The following ST3GAL2 variants were observed in gnomAD, a reference collection of about 807,000 sequenced individuals.
ST3GAL2 encodes ST3 beta-galactoside alpha-2,3-sialyltransferase 2.
Under a neutral mutation model 37.5 loss-of-function variants are expected in ST3GAL2, and 16 were observed. That is an observed-to-expected ratio of 0.43 (90% CI 0.29 to 0.65). The LOEUF is 0.65. Ranked by LOEUF, ST3GAL2 falls within the 30% of genes least tolerant of loss-of-function variation. The pLI, the probability that ST3GAL2 is intolerant of heterozygous loss-of-function variation, is 0.17. For synonymous variants in ST3GAL2, 238 were observed against 202.9 expected (o/e 1.17, Z -1.47); for missense variants, 383 against 487.8 (o/e 0.79, Z 2.02).
At chr16:70,423,449 G>A (rs150619412) in intron 1 of ST3GAL2, among the ~76,000 whole-genome samples, 2,337 of 152,262 alleles carry the variant, frequency 0.015, 62 homozygotes, top group African/African-American at 0.051. Context: ...GGCGGAGGCT[G>A]CAATGAGCCA....
chr16:70,398,412 C>A lies in ST3GAL2; in HGVS notation c.119G>T (p.Gly40Val), dbSNP rs1294121445. 6.2e-7 allele frequency: 1 copy of A among 1,613,594 alleles called. No individual in the cohort carries two copies. Among genetic ancestry groups the A allele is most frequent in the Non-Finnish European group, 8.5e-7 (1 of 1,180,014 alleles). ...CACCCGGTGCGTCCCATCCAGGGCCCCTGAGTCCAGGTAGGGGAGCGTGGC... is the reference window on the plus strand; with the variant it reads ...CACCCGGTGCGTCCCATCCAGGGCCACTGAGTCCAGGTAGGGGAGCGTGGC... ...SMATLPYLDS[G>V]ALDGTHRVKL... is the part of the protein sequence containing the mutation. Residue 40 changes from glycine (G) to valine (V), a missense_variant, in exon 2 of 7, where the codon GGG (glycine) becomes GTG (valine). Physicochemically the swap from Gly to Val is moderately radical, Grantham distance 109. Coordinates refer to ENST00000342907, the MANE Select transcript of ST3GAL2 (RefSeq NM_006927.4).
intron 1 of ST3GAL2, among the ~76,000 whole-genome samples, chr16:70,403,255 G>T (rs1388737556): frequency 3.3e-4 from 50 of 152,150 alleles, no homozygotes; most frequent in Non-Finnish European, 4.4e-5. Flanking sequence ...GTGGGAAGAG[G>T]AAGACAGGAA....
At chr16:70,434,057 G>T (rs1336170023) in intron 1 of ST3GAL2, among the ~76,000 whole-genome samples, 27 of 152,040 alleles carry the variant, frequency 1.8e-4, no homozygotes, top group Admixed American at 1.8e-3. Context: ...TAGATCTATT[G>T]GTGGACTCGT....
intron 1 of ST3GAL2, among the ~76,000 whole-genome samples, chr16:70,407,447 C>A (rs563524377): frequency 6.6e-6 from 1 of 152,266 alleles, no homozygotes; most frequent in South Asian, 2.1e-4. Flanking sequence ...ATACTACAGT[C>A]TTCTAAGAAG....
At position 70,381,176 on chromosome 16, in the gene ST3GAL2, C is replaced by T. The variant is rs2047400084; in HGVS notation, c.*513G>A. ...TGGGGGTCCCGCAGCGACCGCTTTT[C>T]TTTGGTGGGTCTGCACGCACCTATC... On this transcript the variant is annotated 3_prime_UTR_variant, in exon 7 of 7. Transcript: ENST00000342907. 1 of 152,472 alleles carries T rather than the reference C, an allele frequency of 6.6e-6. No homozygotes were observed. Among genetic ancestry groups the T allele is most frequent in the Non-Finnish European group, 1.5e-5 (1 of 68,158 alleles). 9.4% of individuals were successfully genotyped at this position (152,472 alleles called of 1,614,324 possible).
intron 1 of ST3GAL2, among the ~76,000 whole-genome samples, chr16:70,418,873 A>C (rs1005578604): frequency 1.3e-5 from 2 of 152,120 alleles, no homozygotes; most frequent in Admixed American, 6.5e-5. Flanking sequence ...TGGGGCAGGA[A>C]ATCAGCTGGT....
intron 1 of ST3GAL2, among the ~76,000 whole-genome samples, chr16:70,437,263 T>G (rs2047831524): frequency 6.6e-6 from 1 of 152,318 alleles, no homozygotes; most frequent in South Asian, 2.1e-4. Flanking sequence ...ACACAGACAG[T>G]TGGCCCCCTG....
chr16:70,401,219 G>C (rs1055639109), intron 1 of ST3GAL2: 4 of 152,392 alleles, frequency 2.6e-5, no homozygotes, highest in African/African-American at 9.6e-5. Flanking sequence ...GGCCACTGAA[G>C]GCGGGGGCTG....
At chr16:70,399,629 G>A (rs762803495) in intron 1 of ST3GAL2, 96 bp from the exon 2 acceptor site, 2 of 394,422 alleles carry the variant, frequency 5.1e-6, no homozygotes, top group Non-Finnish European at 8.9e-6. Context: ...TAGCAGGAGA[G>A]GAGATGCCCA....
intron 4 of ST3GAL2, among the ~76,000 whole-genome samples, chr16:70,385,768 A>C (rs972712510): frequency 7.5e-6 from 1 of 133,816 alleles, no homozygotes; most frequent in African/African-American, 2.9e-5. Flanking sequence ...CAGTGGCGCG[A>C]TCTGAGCTCA....
chr16:70,389,496 G>A (rs1261574538), intron 3 of ST3GAL2, among the ~76,000 whole-genome samples: 1 of 151,614 alleles, frequency 6.6e-6, no homozygotes, highest in Admixed American at 6.6e-5. Flanking sequence ...GAGACGGATC[G>A]CCCTGTCGCC....
intron 1 of ST3GAL2, among the ~76,000 whole-genome samples, chr16:70,402,742 T>G (rs1370840263): frequency 6.6e-6 from 1 of 152,192 alleles, no homozygotes; most frequent in Non-Finnish European, 1.5e-5. Flanking sequence ...CTCCGCCTCC[T>G]GGGTTCAAAC....
intron 4 of ST3GAL2, 89 bp from the exon 5 acceptor site, chr16:70,383,324 G>A: frequency 7.5e-7 from 1 of 1,328,064 alleles, no homozygotes; most frequent in South Asian, 1.3e-5. Flanking sequence ...GCTGAGGCAG[G>A]TGGATCACCT....
At chr16:70,402,139 A>C (rs973300893) in intron 1 of ST3GAL2, among the ~76,000 whole-genome samples, 1 of 151,856 alleles carries the variant, frequency 6.6e-6, no homozygotes, top group Non-Finnish European at 1.5e-5. Context: ...ATCTCTACTA[A>C]AAATACAAAA....
chr16:70,393,920 T>C (rs932432957), intron 3 of ST3GAL2, among the ~76,000 whole-genome samples: 9 of 152,268 alleles, frequency 5.9e-5, no homozygotes, highest in African/African-American at 1.4e-4. Context: ...GCAATGCTCA[T>C]CCTAAGAGAT....
In ST3GAL2 at chr16:70,378,192, G is replaced by A. The variant is rs1018108520; in HGVS notation, c.*3497C>T. 1.3e-5 allele frequency: 2 copies of A among 151,908 alleles called. No individual in the cohort carries two copies. The highest frequency in any genetic ancestry group is 4.8e-5 in the African/African-American group (2 of 41,336). The allele number at this position is 151,908 out of a possible 1,614,324, so 9.4% of individuals were successfully genotyped here. A position where few individuals can be genotyped will look rare whatever the true frequency, so the allele number is the denominator to read the frequency against. On this transcript the variant is annotated 3_prime_UTR_variant, in exon 7 of 7. Coordinates refer to ENST00000342907, the MANE Select transcript of ST3GAL2 (RefSeq NM_006927.4). ...CATTGGGAGGCCAAAGGGGGTGGAT[G>A]ACCTGTGGTCAGGAGTTCGAGACCA...
At chr16:70,383,073 G>C in intron 5 of ST3GAL2, 117 bp downstream of exon 5, 4 of 1,575,744 alleles carry the variant, frequency 2.5e-6, no homozygotes, top group Non-Finnish European at 3.5e-6. Context: ...CAGGCATCTC[G>C]GCAGATGGGG....
chr16:70,395,286 C>A, intron 2 of ST3GAL2, 111 bp from the exon 3 acceptor site: 1 of 1,017,740 alleles, frequency 9.8e-7, no homozygotes, highest in Non-Finnish European at 1.4e-6. Flanking sequence ...GGGCACAGGC[C>A]TCTTTATCCA....
At chr16:70,386,028 TTTG>T in intron 4 of ST3GAL2, among the ~76,000 whole-genome samples, 1 of 151,804 alleles carries the variant, frequency 6.6e-6, no homozygotes, top group South Asian at 2.1e-4. Flanking sequence ...TTTTTTTTGT[TTTG>T]TTTTGTTTTT....
Sources: allele counts gnomAD v4.1 joint callset (sites outside exome capture counted in the v4.1 genomes callset), GRCh38; gene constraint gnomAD v4.1.1; transcripts MANE v1.5; gene names NCBI Gene and HGNC (gene_info 2026-07-23, HGNC 2026-07-21).